Variants in SULT4A1 observed in about 807,000 individuals in gnomAD.
SULT4A1 encodes the protein sulfotransferase family 4A member 1.
A neutral mutation model predicts 35.2 loss-of-function variants in SULT4A1; 11 were observed. That is an observed-to-expected ratio of 0.31 (90% CI 0.20 to 0.52). SULT4A1 has a LOEUF of 0.52. Among genes scored for constraint, SULT4A1 ranks in the 20% least tolerant of loss-of-function variants. The pLI is 0.97. For synonymous variants in SULT4A1, 152 were observed against 151.8 expected (o/e 1.00, Z -0.01); for missense variants, 271 against 383.7 (o/e 0.71, Z 2.45).
intron 1 of SULT4A1, among the ~76,000 whole-genome samples, chr22:43,855,158 C>T (rs1429436688): frequency 6.6e-6 from 1 of 152,146 alleles, no homozygotes; most frequent in Non-Finnish European, 1.5e-5. Context: ...GACCCCGGGG[C>T]TGGCACCACC....
At chr22:43,849,646 C>T (rs909943719) in intron 1 of SULT4A1, among the ~76,000 whole-genome samples, 8 of 152,184 alleles carry the variant, frequency 5.3e-5, no homozygotes, top group African/African-American at 9.7e-5. Context: ...CTCCCCTTCC[C>T]GCTGAGAGCC....
chr22:43,840,080 G>A (rs562749979), intron 2 of SULT4A1, 55 bp from the exon 3 acceptor site: 1 of 1,438,466 alleles, frequency 7.0e-7, no homozygotes, highest in East Asian at 2.4e-5. Flanking sequence ...ACCAAGGGGA[G>A]GAGTGGGGCC....
chr22:43,829,043 C>A lies in SULT4A1; in HGVS notation c.742+17G>T. Reference sequence around the variant, plus strand: ...GGGTGGGGAGTGCCTGGGCGGGAGGCAGGGTGGGGCACGTACCCCGGCCCA... The same window carrying A: ...GGGTGGGGAGTGCCTGGGCGGGAGGAAGGGTGGGGCACGTACCCCGGCCCA... On this transcript the variant is annotated intron_variant, in intron 6 of 6. Transcript: ENST00000330884. The A allele has an allele frequency of 6.6e-7, 1 of 1,506,964 alleles. No individual in the cohort carries two copies. Among genetic ancestry groups the A allele is most frequent in the Non-Finnish European group, 8.9e-7 (1 of 1,120,752 alleles). 93.3% of individuals were successfully genotyped at this position (1,506,964 alleles called of 1,614,324 possible). A position where few individuals can be genotyped will look rare whatever the true frequency, so the allele number is the denominator to read the frequency against.
chr22:43,856,661 G>A (rs1042463674), intron 1 of SULT4A1, among the ~76,000 whole-genome samples: 1 of 152,180 alleles, frequency 6.6e-6, no homozygotes, highest in East Asian at 1.9e-4. Context: ...GGTGGAGGTG[G>A]AGCAGGAACA....
chr22:43,861,747 C>G (rs998946267), intron 1 of SULT4A1, among the ~76,000 whole-genome samples: 3 of 152,234 alleles, frequency 2.0e-5, no homozygotes, highest in South Asian at 2.1e-4. Flanking sequence ...AGGGACGTTA[C>G]GTTTCCACGC....
chr22:43,838,592 T>C (rs1387610401), intron 4 of SULT4A1, among the ~76,000 whole-genome samples: 3 of 152,240 alleles, frequency 2.0e-5, no homozygotes, highest in Admixed American at 1.3e-4. Flanking sequence ...GATGGATGTT[T>C]TAACTGGGGA....
chr22:43,828,459 A>T (rs886554790), intron 6 of SULT4A1, among the ~76,000 whole-genome samples: 1 of 152,332 alleles, frequency 6.6e-6, no homozygotes, highest in South Asian at 2.1e-4. Context: ...TGCCGCCAAG[A>T]GCAGGAACTG....
At chr22:43,827,206 AG>A (rs1430675051) in intron 6 of SULT4A1, 1 of 985,280 alleles carries the variant, frequency 1.0e-6, no homozygotes, top group Non-Finnish European at 1.2e-6. Context: ...CTGAGATCAG[AG>A]CTCTGTCTCC....
In SULT4A1 at chr22:43,829,251, C is replaced by T. The variant is rs2091584476; in HGVS notation, c.604-53G>A. The T allele has an allele frequency of 2.7e-6, 4 of 1,471,078 alleles. No homozygotes were observed. In the South Asian group the frequency reaches 5.5e-5, roughly 20 times the overall value. 91.1% of individuals were successfully genotyped at this position (1,471,078 alleles called of 1,614,324 possible). On this transcript the variant is annotated intron_variant, in intron 5 of 6. Transcript: ENST00000330884. ...AGCCCATCAGAGGCGGGGCCTTTTACTGGACACGACCCCAGGCTGGGCACA... is the reference window on the plus strand; with the variant it reads ...AGCCCATCAGAGGCGGGGCCTTTTATTGGACACGACCCCAGGCTGGGCACA...
At chr22:43,845,282 C>T (rs1206389673) in intron 1 of SULT4A1, among the ~76,000 whole-genome samples, 3 of 152,226 alleles carry the variant, frequency 2.0e-5, no homozygotes, top group Non-Finnish European at 1.5e-5. Context: ...CCCCTCCACA[C>T]ATCAGCCTCC....
Position 43,856,266 on chromosome 22 carries a change from G to GAAGA in SULT4A1, c.169+5944_169+5947dup, listed in dbSNP as rs145421587. ...CCGTGTCACCTCCCAGGGCACTGGTGAAGACCCAATGTGGCTGGAGATGGG... is the reference window on the plus strand; with the variant it reads ...CCGTGTCACCTCCCAGGGCACTGGTGAAGAAAGACCCAATGTGGCTGGAGATGGG... On this transcript the variant is annotated intron_variant, in intron 1 of 6. Transcript: ENST00000330884. Among the ~76,000 whole-genome samples the GAAGA allele has an allele frequency of 8.0e-3, 1,218 of 152,328 alleles. 19 individuals carry two copies. The highest frequency in any genetic ancestry group is 0.028 in the African/African-American group (1,182 of 41,574).
chr22:43,861,559 A>G (rs1005762929), intron 1 of SULT4A1, among the ~76,000 whole-genome samples: 3 of 152,148 alleles, frequency 2.0e-5, no homozygotes, highest in Non-Finnish European at 2.9e-5. Context: ...AGTGGGAATG[A>G]CCACCACTAG....
At chr22:43,834,397 T>G (rs538845030) in intron 4 of SULT4A1, among the ~76,000 whole-genome samples, 358 of 14,484 alleles carry the variant, frequency 0.025, 1 homozygote, top group African/African-American at 0.047. Context: ...CCCCCACCGC[T>G]GCCCTGAGCT....
intron 1 of SULT4A1, among the ~76,000 whole-genome samples, chr22:43,860,508 C>G (rs970574134): frequency 7.2e-5 from 11 of 152,188 alleles, no homozygotes; most frequent in African/African-American, 2.7e-4. Context: ...CTTCTCCCTC[C>G]GCAGAGACCA....
At chr22:43,851,579 T>TG (rs978265870) in intron 1 of SULT4A1, among the ~76,000 whole-genome samples, 2 of 152,130 alleles carry the variant, frequency 1.3e-5, no homozygotes, top group Admixed American at 6.5e-5. Flanking sequence ...GGCTCTGCTT[T>TG]GGGGTCAATT....
At chr22:43,826,559 C>T (rs470086) in intron 6 of SULT4A1, 210,045 of 985,052 alleles carry the variant, frequency 0.21, 22,890 homozygotes, top group African/African-American at 0.33. Flanking sequence ...GCCCTTCCCA[C>T]GCCATTATCC....
chr22:43,853,176 A>G (rs1382317092), intron 1 of SULT4A1, among the ~76,000 whole-genome samples: 8 of 151,884 alleles, frequency 5.3e-5, no homozygotes, highest in Non-Finnish European at 1.2e-4. Flanking sequence ...ATGCACACAC[A>G]CCACACACAT....
intron 4 of SULT4A1, among the ~76,000 whole-genome samples, chr22:43,837,693 A>G (rs1023132407): frequency 6.6e-5 from 10 of 152,154 alleles, no homozygotes; most frequent in African/African-American, 2.2e-4. Flanking sequence ...TGGGTTTTCA[A>G]ACTGCAAGCA....
intron 1 of SULT4A1, among the ~76,000 whole-genome samples, chr22:43,845,717 G>A (rs914858336): frequency 1.3e-5 from 2 of 152,176 alleles, no homozygotes; most frequent in Non-Finnish European, 2.9e-5. Context: ...CGAGCACTGG[G>A]CGGGAAAGCA....
Sources: gnomAD v4.1 joint callset for allele counts (sites outside exome capture counted in the v4.1 genomes callset) on GRCh38, gnomAD v4.1.1 for gene constraint, MANE v1.5 for transcripts, NCBI Gene and HGNC (gene_info 2026-07-23, HGNC 2026-07-21) for gene names.